BLOC1S6: variants seen among roughly 807,000 people sequenced by gnomAD.
BLOC1S6 encodes biogenesis of lysosome-related organelles complex 1 subunit 6.
A neutral mutation model predicts 24.7 loss-of-function variants in BLOC1S6; 24 were observed. That is an observed-to-expected ratio of 0.97 (90% CI 0.70 to 1.37). The LOEUF (loss-of-function observed/expected upper bound fraction) is 1.37, where lower values mean the gene tolerates loss of function less well. BLOC1S6 is among the 40% of genes most tolerant of loss of function. The pLI is 0.00. For missense variants in BLOC1S6, 175 were observed against 196.2 expected, an observed-to-expected ratio of 0.89 and a Z score of 0.64; for synonymous variants, 76 against 72.6, an observed-to-expected ratio of 1.05 and a Z score of -0.23.
At position 45,608,764 on chromosome 15, in the gene BLOC1S6, C is replaced by T. The variant is rs549838962; in HGVS notation, c.*2250C>T. 4.6e-5 allele frequency: 7 copies of T among 152,040 alleles called. No individual in the cohort carries two copies. Among genetic ancestry groups the T allele is most frequent in the South Asian group, 2.1e-4 (1 of 4,824 alleles). 9.4% of individuals were successfully genotyped at this position (152,040 alleles called of 1,614,324 possible). ...AACTCTCCAGATAATTTTGATGTCA[C>T]GAGTCACTAGTATAGACTATCTATC... On this transcript the variant is annotated 3_prime_UTR_variant, in exon 5 of 5. Transcript: ENST00000220531.
intron 1 of BLOC1S6, among the ~76,000 whole-genome samples, chr15:45,588,873 A>G (rs553333647): frequency 6.6e-6 from 1 of 150,756 alleles, no homozygotes; most frequent in African/African-American, 2.4e-5. Flanking sequence ...CATCCATTCC[A>G]CTCCTGCCAT....
At chr15:45,592,352 T>G in intron 2 of BLOC1S6, 76 bp downstream of exon 2, 1 of 1,535,228 alleles carries the variant, frequency 6.5e-7, no homozygotes, top group South Asian at 1.1e-5. Flanking sequence ...GTATACTGTG[T>G]TAAGACATAA....
chr15:45,605,560 A>T (rs2140919199), intron 4 of BLOC1S6, 46 bp downstream of exon 4: 1 of 1,281,876 alleles, frequency 7.8e-7, no homozygotes. Flanking sequence ...TAGAGGTTTA[A>T]TTGTTTTTTG....
chr15:45,607,423 A>T lies in BLOC1S6; in HGVS notation c.*909A>T, dbSNP rs185165634. 6.6e-6 allele frequency: 1 copy of T among 152,208 alleles called. No homozygotes were observed. The highest frequency in any genetic ancestry group is 2.4e-5 in the African/African-American group (1 of 41,456). The allele number at this position is 152,208 out of a possible 1,614,324, so 9.4% of individuals were successfully genotyped here. ...TGAGCTTGTATATTTATAATACAAT[A>T]TAGTATTATAGTAACAGTTATCATA... On this transcript the variant is annotated 3_prime_UTR_variant, in exon 5 of 5. Coordinates refer to ENST00000220531, the MANE Select transcript of BLOC1S6 (RefSeq NM_012388.4).
chr15:45,592,306 C>A, intron 2 of BLOC1S6, 30 bp downstream of exon 2: 1 of 1,611,346 alleles, frequency 6.2e-7, no homozygotes, highest in South Asian at 1.1e-5. Flanking sequence ...GATATACACT[C>A]ATTTCCTCTG....
At chr15:45,593,589 A>ACT (rs1395052922) in intron 2 of BLOC1S6, among the ~76,000 whole-genome samples, 2 of 152,102 alleles carry the variant, frequency 1.3e-5, no homozygotes, top group South Asian at 2.1e-4. Flanking sequence ...AAGGTAAGAA[A>ACT]CTGCAAGCGA....
At chr15:45,600,282 GTAAC>G (rs1447527030) in intron 2 of BLOC1S6, among the ~76,000 whole-genome samples, 2 of 151,442 alleles carry the variant, frequency 1.3e-5, no homozygotes, top group Admixed American at 6.6e-5. Flanking sequence ...GTATACATAC[GTAAC>G]TAACCTGCAC....
At chr15:45,604,195 C>T (rs1894366876) in intron 3 of BLOC1S6, among the ~76,000 whole-genome samples, 1 of 151,956 alleles carries the variant, frequency 6.6e-6, no homozygotes, top group African/African-American at 2.4e-5. Flanking sequence ...GTAGCAAGAC[C>T]CCATCTCTAT....
intron 1 of BLOC1S6, 100 bp from the exon 2 acceptor site, chr15:45,592,035 A>G: frequency 7.3e-7 from 1 of 1,369,190 alleles, no homozygotes; most frequent in Non-Finnish European, 1.0e-6. Flanking sequence ...AACCAGTTAC[A>G]GATTTCTTTG....
rs1272458695 is a variant in BLOC1S6, at chr15:45,587,420, C to T, written c.-24C>T. On this transcript the variant is annotated 5_prime_UTR_variant, in exon 1 of 5. Coordinates refer to ENST00000220531, the MANE Select transcript of BLOC1S6 (RefSeq NM_012388.4). ...CTGACGAGCCACACGTTTGCTTCTT[C>T]CCTGTGTTCCCAGCTGGAGGGACAT... 2 of 1,560,378 alleles carry T rather than the reference C, an allele frequency of 1.3e-6. No homozygotes were observed. Among genetic ancestry groups the T allele is most frequent in the South Asian group, 1.2e-5 (1 of 85,020 alleles).
At chr15:45,603,812 A>G (rs1171760417) in intron 3 of BLOC1S6, among the ~76,000 whole-genome samples, 1 of 152,138 alleles carries the variant, frequency 6.6e-6, no homozygotes, top group African/African-American at 2.4e-5. Flanking sequence ...TTTACCAATT[A>G]CATGGTTTCT....
chr15:45,600,258 C>G (rs1228786152), intron 2 of BLOC1S6, among the ~76,000 whole-genome samples: 1 of 150,446 alleles, frequency 6.6e-6, no homozygotes, highest in African/African-American at 2.5e-5. Context: ...GTGCAGTGCA[C>G]CAGCATGGCA....
intron 1 of BLOC1S6, chr15:45,591,928 T>G: frequency 1.8e-6 from 1 of 569,088 alleles, no homozygotes; most frequent in Non-Finnish European, 3.1e-6. Context: ...GTGGGCTCCT[T>G]TCTACCTGCT....
chr15:45,606,850 G>T lies in BLOC1S6; in HGVS notation c.*336G>T. On this transcript the variant is annotated 3_prime_UTR_variant, in exon 5 of 5. Coordinates refer to ENST00000220531, the MANE Select transcript of BLOC1S6 (RefSeq NM_012388.4). Reference sequence around the variant, plus strand: ...AATTTTTTAGCTTCTTAATGAATATGGATTTAAAACTCTCCAGTTCTTATT... The same window carrying T: ...AATTTTTTAGCTTCTTAATGAATATTGATTTAAAACTCTCCAGTTCTTATT... The T allele has an allele frequency of 1.1e-5, 3 of 269,012 alleles. No individual in the cohort carries two copies. The highest frequency in any genetic ancestry group is 1.1e-4 in the South Asian group (2 of 18,110). 16.7% of individuals were successfully genotyped at this position (269,012 alleles called of 1,614,324 possible). A position where few individuals can be genotyped will look rare whatever the true frequency, so the allele number is the denominator to read the frequency against.
chr15:45,603,005 A>G, intron 2 of BLOC1S6, 95 bp from the exon 3 acceptor site: 1 of 787,666 alleles, frequency 1.3e-6, no homozygotes, highest in Non-Finnish European at 2.2e-6. Context: ...CTACTTAACT[A>G]ACTGTTACCA....
upstream of BLOC1S6, chr15:45,587,285 ACT>A: frequency 1.4e-6 from 1 of 723,504 alleles, no homozygotes; most frequent in East Asian, 2.7e-5. Flanking sequence ...GGCAGAGCCA[ACT>A]CTCGAGCGCG....
chr15:45,603,597 C>T (rs1334506805), intron 3 of BLOC1S6, among the ~76,000 whole-genome samples: 1 of 152,096 alleles, frequency 6.6e-6, no homozygotes, highest in Non-Finnish European at 1.5e-5. Flanking sequence ...GCCTGTAGTC[C>T]CAGCTTTTCC....
intron 3 of BLOC1S6, 142 bp downstream of exon 3, chr15:45,603,329 T>C (rs1894335438): frequency 3.3e-6 from 2 of 600,320 alleles, no homozygotes; most frequent in Non-Finnish European, 6.0e-6. Flanking sequence ...TGTGTTGAAT[T>C]GTTATCTTTC....
chr15:45,606,313 C>G, intron 4 of BLOC1S6, 82 bp from the exon 5 acceptor site: 2 of 1,548,704 alleles, frequency 1.3e-6, no homozygotes, highest in Non-Finnish European at 1.8e-6. Flanking sequence ...TACCTCAAAG[C>G]AGAGCACTGT....
Sources: allele counts gnomAD v4.1 joint callset (sites outside exome capture counted in the v4.1 genomes callset), GRCh38; gene constraint gnomAD v4.1.1; transcripts MANE v1.5; gene names NCBI Gene and HGNC (gene_info 2026-07-23, HGNC 2026-07-21).